HIP1: variants seen among roughly 807,000 people sequenced by gnomAD.
HIP1 encodes huntingtin-interacting protein 1.
In HIP1, 65 loss-of-function variants were observed where a neutral mutation model predicts 147.6. The observed-to-expected ratio is 0.44, with a 90% CI of 0.36 to 0.54. The LOEUF (loss-of-function observed/expected upper bound fraction) is 0.54. HIP1 is among the 20% of genes least tolerant of loss of function. The pLI is 0.00. For synonymous variants in HIP1, 479 were observed against 504.0 expected (o/e 0.95, Z 0.67); for missense variants, 1,061 against 1,299.6 (o/e 0.82, Z 2.82).
chr7:75,719,462 C>A (rs1425251403), intron 1 of HIP1, among the ~76,000 whole-genome samples: 4 of 151,634 alleles, frequency 2.6e-5, no homozygotes, highest in Non-Finnish European at 4.4e-5. Flanking sequence ...CGAGATCATG[C>A]CGCTGCACTC....
chr7:75,562,121 C>T lies in HIP1; in HGVS notation c.1070G>A (p.Ser357Asn). Reference protein sequence around the residue: ...FDDIFGSSFSSDPFNFNSQNG... With the variant: ...FDDIFGSSFSNDPFNFNSQNG... ...TTGACTGTTGAAATTGAAGGGATCA[C>T]TGCTGAATGAACTGCCAAAGATGTC... The change falls in exon 12 of 31, where the codon AGT (serine) becomes AAT (asparagine). Residue 357 changes from serine (S) to asparagine (N), a missense_variant. Coordinates refer to ENST00000336926, the MANE Select transcript of HIP1 (RefSeq NM_005338.7). The T allele has an allele frequency of 6.2e-7, 1 of 1,613,848 alleles. No homozygotes were observed. Among genetic ancestry groups the T allele is most frequent in the Non-Finnish European group, 8.5e-7 (1 of 1,179,778 alleles).
intron 1 of HIP1, among the ~76,000 whole-genome samples, chr7:75,681,666 A>G (rs781977767): frequency 6.6e-6 from 1 of 151,640 alleles, no homozygotes; most frequent in Non-Finnish European, 1.5e-5. Flanking sequence ...ACCACCACGC[A>G]TGGCTAATTT....
At chr7:75,688,681 G>A (rs529265296) in intron 1 of HIP1, among the ~76,000 whole-genome samples, 187 of 152,112 alleles carry the variant, frequency 1.2e-3, no homozygotes, top group African/African-American at 4.2e-3. Flanking sequence ...GTCCTCTCCC[G>A]GGACAGCTGC....
intron 22 of HIP1, among the ~76,000 whole-genome samples, chr7:75,549,881 G>A (rs1231166123): frequency 6.8e-6 from 1 of 147,950 alleles, no homozygotes; most frequent in Non-Finnish European, 1.5e-5. Context: ...TCACTATGTT[G>A]CCCAGGCTGG....
chr7:75,677,144 G>A lies in HIP1; in HGVS notation c.120+61657C>T, dbSNP rs1177560356. Among the ~76,000 whole-genome samples the A allele has an allele frequency of 5.3e-5, 8 of 151,944 alleles. No individual in the cohort carries two copies. The East Asian group carries it at 5.8e-4, about 11-fold the overall frequency. On this transcript the variant is annotated intron_variant, in intron 1 of 30. Coordinates refer to ENST00000336926, the MANE Select transcript of HIP1 (RefSeq NM_005338.7). ...TGGGAGACGGAGGTTGCAGTGGGCCGAGATCGTGCCATTGCACTCCAGTCT... is the reference window on the plus strand; with the variant it reads ...TGGGAGACGGAGGTTGCAGTGGGCCAAGATCGTGCCATTGCACTCCAGTCT...
chr7:75,692,489 T>G (rs1337640347), intron 1 of HIP1, among the ~76,000 whole-genome samples: 1 of 151,982 alleles, frequency 6.6e-6, no homozygotes, highest in Non-Finnish European at 1.5e-5. Flanking sequence ...GGCGCGATCT[T>G]GGCTTACTGC....
chr7:75,561,102 G>A (rs953931056), intron 13 of HIP1, among the ~76,000 whole-genome samples: 1 of 151,972 alleles, frequency 6.6e-6, no homozygotes, highest in Non-Finnish European at 1.5e-5. Flanking sequence ...ACAGGTGCCT[G>A]CCAACACACC....
intron 1 of HIP1, among the ~76,000 whole-genome samples, chr7:75,706,739 G>C (rs1311778437): frequency 1.9e-5 from 2 of 106,784 alleles, no homozygotes; most frequent in East Asian, 5.3e-4. Flanking sequence ...CCACTAATGT[G>C]TCATCTAGCA....
chr7:75,581,989 C>T (rs1413327542), intron 6 of HIP1, 86 bp downstream of exon 6: 9 of 1,106,866 alleles, frequency 8.1e-6, no homozygotes, highest in African/African-American at 3.1e-5. Flanking sequence ...GGCCTCCCCC[C>T]ATCAGGCCCT....
At chr7:75,620,011 C>T (rs587643228) in intron 1 of HIP1, among the ~76,000 whole-genome samples, 1 of 152,208 alleles carries the variant, frequency 6.6e-6, no homozygotes, top group African/African-American at 2.4e-5. Flanking sequence ...ACTCAGGGAA[C>T]AACTGCTCTG....
rs1554488431 is a variant in HIP1, at chr7:75,535,641, T to C, written c.*2531A>G. The C allele has an allele frequency of 1.1e-5, 2 of 182,764 alleles. No homozygotes were observed. The highest frequency in any genetic ancestry group is 8.9e-5 in the East Asian group (1 of 11,284). 11.3% of individuals were successfully genotyped at this position (182,764 alleles called of 1,614,324 possible). ...TCCCAAAGTTCTGGGATTACAGGCATGCGCCACTGTGCCCGGCTGGGCAGA... is the reference window on the plus strand; with the variant it reads ...TCCCAAAGTTCTGGGATTACAGGCACGCGCCACTGTGCCCGGCTGGGCAGA... On this transcript the variant is annotated 3_prime_UTR_variant, in exon 31 of 31. Coordinates refer to ENST00000336926, the MANE Select transcript of HIP1 (RefSeq NM_005338.7).
intron 1 of HIP1, among the ~76,000 whole-genome samples, chr7:75,630,233 CAT>C (rs1554508684): frequency 6.6e-6 from 1 of 151,976 alleles, no homozygotes. Flanking sequence ...CCAAGGCGGG[CAT>C]ATCTCTTGAG....
chr7:75,735,838 G>A (rs1359801572), intron 1 of HIP1, among the ~76,000 whole-genome samples: 1 of 151,882 alleles, frequency 6.6e-6, no homozygotes, highest in African/African-American at 2.4e-5. Context: ...CAACAGGCAC[G>A]TGATACCACA....
chr7:75,664,028 G>GTATA (rs66807905), intron 1 of HIP1, among the ~76,000 whole-genome samples: 1 of 9,078 alleles, frequency 1.1e-4, no homozygotes, highest in Non-Finnish European at 1.6e-4. Context: ...ACATATATGT[G>GTATA]TATATATATA....
At chr7:75,583,586 TTCTC>T (rs1195708099) in intron 5 of HIP1, among the ~76,000 whole-genome samples, 5 of 151,992 alleles carry the variant, frequency 3.3e-5, no homozygotes, top group African/African-American at 4.8e-5. Flanking sequence ...TCTCTCTTGT[TTCTC>T]TCTCTTTTTT....
At chr7:75,554,363 C>T (rs1750139750) in intron 20 of HIP1, 77 bp downstream of exon 20, 1 of 1,350,850 alleles carries the variant, frequency 7.4e-7, no homozygotes, top group East Asian at 2.3e-5. Context: ...GGACCTGTCA[C>T]TATCCCCGCA....
chr7:75,592,630 AG>A, intron 2 of HIP1, 116 bp from the exon 3 acceptor site: 1 of 1,073,664 alleles, frequency 9.3e-7, no homozygotes, highest in Non-Finnish European at 1.3e-6. Context: ...CAGGGGATAG[AG>A]GCTGCACCCA....
Position 75,618,159 on chromosome 7 carries a change from T to G in HIP1, c.121-18912A>C, listed in dbSNP as rs782182813. Among the ~76,000 whole-genome samples the G allele has an allele frequency of 1.7e-3, 264 of 152,294 alleles. 2 individuals carry two copies. Among genetic ancestry groups the G allele is most frequent in the Non-Finnish European group, 3.3e-3 (224 of 68,034 alleles). On this transcript the variant is annotated intron_variant, in intron 1 of 30. Transcript: ENST00000336926. Reference sequence around the variant, plus strand: ...TTGCCCCAGCTTTCTTTCTTTCATTTTTTTTCTTGAGACACAGTTTCACTG... The same window carrying G: ...TTGCCCCAGCTTTCTTTCTTTCATTGTTTTTCTTGAGACACAGTTTCACTG...
At chr7:75,617,534 G>A (rs937381137) in intron 1 of HIP1, among the ~76,000 whole-genome samples, 6 of 152,062 alleles carry the variant, frequency 3.9e-5, no homozygotes, top group Non-Finnish European at 5.9e-5. Context: ...GGTTCCTTGC[G>A]TGAGTCTTGG....
Sources: allele counts gnomAD v4.1 joint callset (sites outside exome capture counted in the v4.1 genomes callset), GRCh38; gene constraint gnomAD v4.1.1; transcripts MANE v1.5; gene names NCBI Gene and HGNC (gene_info 2026-07-23, HGNC 2026-07-21).